The following MGST1 variants were observed in gnomAD, a reference collection of about 807,000 sequenced individuals.
The protein encoded by MGST1 is microsomal glutathione S-transferase 1.
In MGST1, 5 loss-of-function variants were observed where a neutral mutation model predicts 8.9. The ratio of observed to expected loss-of-function variants is 0.56; its 90% confidence interval spans 0.29 to 1.19. The LOEUF is 1.19. Among genes scored for constraint, MGST1 ranks in the 50% most tolerant of loss-of-function variants. MGST1 has a pLI of 0.08. For synonymous variants in MGST1, 54 were observed against 67.8 expected (o/e 0.80, Z 1.00); for missense variants, 182 against 187.4 (o/e 0.97, Z 0.17).
Position 16,401,148 on chromosome 12 carries a change from C to T in MGST1, n.778+17544C>T. ...TCCTTAGGAAAATACCCACATTCTT[C>T]ACTTTCTTCTTCACAGAAGTGAGAA... is the stretch of plus-strand genomic sequence containing the variant. On this transcript the variant is annotated intron_variant and non_coding_transcript_variant, in intron 1 of 1. Transcript: ENST00000359720. The surrounding 1 kb of genome is among the most constrained non-coding windows in gnomAD (Gnocchi z 4.3). 2 of 1,564,898 alleles carry T rather than the reference C, an allele frequency of 1.3e-6. No homozygotes were observed. The highest frequency in any genetic ancestry group is 1.1e-5 in the South Asian group (1 of 89,988).
intron 4 of MGST1, among the ~76,000 whole-genome samples, chr12:16,485,925 T>G (rs1404507583): frequency 1.3e-5 from 2 of 151,938 alleles, no homozygotes; most frequent in East Asian, 3.9e-4. Flanking sequence ...AAAAATCCCC[T>G]TCTTGTTTAA....
intron 4 of MGST1, among the ~76,000 whole-genome samples, chr12:16,557,476 G>C (rs1942235515): frequency 6.6e-6 from 1 of 151,628 alleles, no homozygotes; most frequent in South Asian, 2.1e-4. Flanking sequence ...AACTTTCCTG[G>C]AGATCATTAA....
intron 4 of MGST1, among the ~76,000 whole-genome samples, chr12:16,511,549 A>G (rs550380122): frequency 6.6e-6 from 1 of 152,322 alleles, no homozygotes; most frequent in South Asian, 2.1e-4. Context: ...TGTTAAAAAC[A>G]CCAAAGAGAA....
intron 4 of MGST1, among the ~76,000 whole-genome samples, chr12:16,556,482 T>C (rs1256746465): frequency 2.0e-5 from 3 of 152,170 alleles, no homozygotes; most frequent in Non-Finnish European, 2.9e-5. Flanking sequence ...CATTCAGAAA[T>C]GCTTTGGATC....
intron 4 of MGST1, among the ~76,000 whole-genome samples, chr12:16,509,650 G>A (rs2137177558): frequency 6.6e-6 from 1 of 152,256 alleles, no homozygotes; most frequent in South Asian, 2.1e-4. Flanking sequence ...ATTTTGAAGT[G>A]TATTTATCCA....
downstream of MGST1, among the ~76,000 whole-genome samples, chr12:16,439,127 C>T (rs1207266927): frequency 6.7e-6 from 1 of 149,410 alleles, no homozygotes; most frequent in Non-Finnish European, 1.5e-5. Context: ...AAAAAAAAAG[C>T]CAGATAGAAA....
intron 4 of MGST1, among the ~76,000 whole-genome samples, chr12:16,519,491 G>A (rs1366246804): frequency 1.3e-5 from 2 of 152,106 alleles, no homozygotes; most frequent in Non-Finnish European, 2.9e-5. Context: ...GTAGTAGCTG[G>A]CATTCAAGTA....
chr12:16,409,514 A>G (rs1940725419), intron 1 of MGST1, among the ~76,000 whole-genome samples: 1 of 152,110 alleles, frequency 6.6e-6, no homozygotes, highest in Admixed American at 6.5e-5. Flanking sequence ...CTTGGAGCTT[A>G]TATAGGGTGA....
intron 4 of MGST1, among the ~76,000 whole-genome samples, chr12:16,455,246 A>G (rs1356482225): frequency 6.6e-6 from 1 of 151,878 alleles, no homozygotes; most frequent in Non-Finnish European, 1.5e-5. Context: ...GCTGTTCTAA[A>G]TAGTTTGTAG....
chr12:16,572,476 T>A (rs560525771), intron 4 of MGST1, among the ~76,000 whole-genome samples: 81 of 150,018 alleles, frequency 5.4e-4, no homozygotes, highest in Middle Eastern at 7.1e-3. Flanking sequence ...TGGGTCACCT[T>A]TAGGACTTAT....
chr12:16,392,628 A>G (rs1360540275), intron 1 of MGST1, among the ~76,000 whole-genome samples: 1 of 152,142 alleles, frequency 6.6e-6, no homozygotes, highest in African/African-American at 2.4e-5. Flanking sequence ...AATAAGAAAA[A>G]CAGATATTGC....
At chr12:16,358,007 G>T (rs141327972) in intron 3 of MGST1, among the ~76,000 whole-genome samples, 1 of 152,142 alleles carries the variant, frequency 6.6e-6, no homozygotes, top group African/African-American at 2.4e-5. Context: ...GAGTTTTATC[G>T]TCTTTGTCCA....
intron 1 of MGST1, chr12:16,400,593 T>C (rs2137062239): frequency 9.6e-7 from 1 of 1,046,224 alleles, no homozygotes; most frequent in East Asian, 2.4e-5. Flanking sequence ...AGGCTGGTAC[T>C]GTCTGTTCCC....
rs989709276 is a variant in MGST1 at position 16,537,401 on chromosome 12, A to G, written n.483-52127A>G. ...GTGGCTTTTCCAGTAGCATGGTGCA[A>G]GCTGTGGGATCTACCATTCTGGGAT... is the stretch of plus-strand genomic sequence containing the variant. On this transcript the variant is annotated intron_variant and non_coding_transcript_variant, in intron 4 of 4. Coordinates refer to the MGST1 transcript ENST00000538857. The surrounding 1 kb of genome is among the most constrained non-coding windows in gnomAD (Gnocchi z 4.6). Among the ~76,000 whole-genome samples the G allele has an allele frequency of 2.6e-5, 4 of 152,038 alleles. No homozygotes were observed. The highest frequency in any genetic ancestry group is 6.5e-5 in the Admixed American group (1 of 15,274).
At chr12:16,481,208 C>T (rs1941362321) in intron 4 of MGST1, among the ~76,000 whole-genome samples, 1 of 152,098 alleles carries the variant, frequency 6.6e-6, no homozygotes, top group Non-Finnish European at 1.5e-5. Flanking sequence ...TTGATGTTTC[C>T]AATTTTCAGT....
rs528815003 is a variant in MGST1 at position 16,547,849 on chromosome 12, A to G, written n.483-41679A>G. Among the ~76,000 whole-genome samples the G allele has an allele frequency of 1.3e-5, 2 of 152,300 alleles. No homozygotes were observed. The highest frequency in any genetic ancestry group is 6.5e-5 in the Admixed American group (1 of 15,292). On this transcript the variant is annotated intron_variant and non_coding_transcript_variant, in intron 4 of 4. Coordinates refer to the MGST1 transcript ENST00000538857. The surrounding 1 kb of genome is among the most constrained non-coding windows in gnomAD (Gnocchi z 4.6). ...TGAACACTAAACATGTTTGGCCTAC[A>G]TAATTTCTACGAAACTGTTTAAGTG... is the stretch of plus-strand genomic sequence containing the variant.
rs1358029539 is a variant in MGST1 at position 16,584,210 on chromosome 12, A to AT, written n.483-5312dup. Among the ~76,000 whole-genome samples the AT allele has an allele frequency of 2.0e-5, 3 of 152,018 alleles. No individual in the cohort carries two copies. On this transcript the variant is annotated intron_variant and non_coding_transcript_variant, in intron 4 of 4. Transcript: ENST00000538857. The surrounding 1 kb of genome is among the most constrained non-coding windows in gnomAD (Gnocchi z 5.2). ...ATGTACGAGTTTTGTTGGAGGATGC[A>AT]TTTTTTAGTAGTGAGTGGGGAGAGT...
intron 4 of MGST1, among the ~76,000 whole-genome samples, chr12:16,545,425 T>C (rs929439603): frequency 1.3e-5 from 2 of 152,068 alleles, no homozygotes; most frequent in Non-Finnish European, 2.9e-5. Flanking sequence ...TTCTGACATA[T>C]ATAGTTTTTC....
intron 4 of MGST1, among the ~76,000 whole-genome samples, chr12:16,532,603 C>T (rs563825221): frequency 1.2e-4 from 18 of 152,234 alleles, no homozygotes; most frequent in Admixed American, 1.1e-3. Flanking sequence ...TCATTAGGGA[C>T]AATAGCCATT....
Sources: gnomAD v4.1 joint callset for allele counts (sites outside exome capture counted in the v4.1 genomes callset) on GRCh38, gnomAD v4.1.1 for gene constraint, Gnocchi (gnomAD v3.1) non-coding constraint, MANE v1.5 for transcripts, NCBI Gene and HGNC (gene_info 2026-07-23, HGNC 2026-07-21) for gene names.